Variants in CADM2 observed in about 807,000 individuals in gnomAD.
CADM2 encodes immunoglobulin superfamily member 4D.
A neutral mutation model predicts 49.8 loss-of-function variants in CADM2; 12 were observed. The ratio of observed to expected loss-of-function variants is 0.24; its 90% CI spans 0.15 to 0.39. The LOEUF (loss-of-function observed/expected upper bound fraction) is 0.39, where lower values mean the gene tolerates loss of function less well. CADM2 is among the 10% of genes least tolerant of loss of function. CADM2 has a pLI of 1.00. For missense variants in CADM2, 378 were observed against 492.3 expected, an observed-to-expected ratio of 0.77 and a Z score of 2.20; for synonymous variants, 214 against 175.4, an observed-to-expected ratio of 1.22 and a Z score of -1.74.
At chr3:85,855,454 G>A (rs1257808350) in intron 3 of CADM2, among the ~76,000 whole-genome samples, 1 of 151,524 alleles carries the variant, frequency 6.6e-6, no homozygotes, top group African/African-American at 2.4e-5. Flanking sequence ...ATGTCATATA[G>A]ATTTTCAATC....
At chr3:85,033,961 C>T (rs2035097259) in intron 1 of CADM2, among the ~76,000 whole-genome samples, 1 of 151,976 alleles carries the variant, frequency 6.6e-6, no homozygotes, top group African/African-American at 2.4e-5. Flanking sequence ...TATTTATGGT[C>T]ATCACGTTTT....
intron 1 of CADM2, among the ~76,000 whole-genome samples, chr3:85,164,341 A>G (rs1451695486): frequency 1.3e-5 from 2 of 152,058 alleles, no homozygotes; most frequent in Non-Finnish European, 2.9e-5. Flanking sequence ...ACTTACAGAC[A>G]CTACCAAGCT....
chr3:85,099,057 C>A (rs1359392361), intron 1 of CADM2, among the ~76,000 whole-genome samples: 1 of 152,106 alleles, frequency 6.6e-6, no homozygotes, highest in South Asian at 2.1e-4. Flanking sequence ...TCAGAAAGAA[C>A]TTTGCTGGTA....
Position 85,925,152 on chromosome 3 carries a change from C to T in CADM2, c.701-10615C>T, listed in dbSNP as rs1719661642. On this transcript the variant is annotated intron_variant, in intron 6 of 9. Coordinates refer to ENST00000383699, the MANE Select transcript of CADM2 (RefSeq NM_001167675.2). ...TTTGCTTCTGACAAATATGTATAATCTATCCTGGCAACTCCCATACTACAT... is the reference window on the plus strand; with the variant it reads ...TTTGCTTCTGACAAATATGTATAATTTATCCTGGCAACTCCCATACTACAT... Among the ~76,000 whole-genome samples the T allele has an allele frequency of 4.1e-5, 3 of 72,408 alleles. No individual in the cohort carries two copies. The South Asian group carries it at 1.2e-3, about 29-fold the overall frequency. The allele number at this position is 72,408 out of a possible 152,430, so 47.5% of individuals were successfully genotyped here. A position where few individuals can be genotyped will look rare whatever the true frequency, so the allele number is the denominator to read the frequency against.
chr3:85,024,283 A>T (rs941066759), intron 1 of CADM2, among the ~76,000 whole-genome samples: 14 of 152,076 alleles, frequency 9.2e-5, no homozygotes, highest in African/African-American at 3.4e-4. Context: ...ATATTCTTTG[A>T]GGTAAGTAAT....
intron 7 of CADM2, among the ~76,000 whole-genome samples, chr3:85,937,841 C>T (rs1048897891): frequency 2.0e-5 from 3 of 151,936 alleles, no homozygotes; most frequent in Admixed American, 1.3e-4. Context: ...GTAGTGTGTT[C>T]TGGCAAATAA....
chr3:85,471,809 T>C (rs572041697), intron 1 of CADM2, among the ~76,000 whole-genome samples: 1 of 144,194 alleles, frequency 6.9e-6, no homozygotes, highest in Non-Finnish European at 1.6e-5. Context: ...AATACAAAAG[T>C]CAATATTTTT....
At chr3:85,249,406 G>A (rs2042724808) in intron 1 of CADM2, among the ~76,000 whole-genome samples, 1 of 151,770 alleles carries the variant, frequency 6.6e-6, no homozygotes, top group Non-Finnish European at 1.5e-5. Flanking sequence ...TTGTCTAGTT[G>A]AAATGATGTT....
chr3:85,422,156 A>G (rs921438700), intron 1 of CADM2, among the ~76,000 whole-genome samples: 4 of 132,916 alleles, frequency 3.0e-5, no homozygotes, highest in African/African-American at 7.8e-5. Context: ...ATATACATGA[A>G]CCACATATGG....
chr3:86,025,267 G>A (rs1377476563), intron 8 of CADM2, among the ~76,000 whole-genome samples: 2 of 152,124 alleles, frequency 1.3e-5, no homozygotes, highest in Non-Finnish European at 2.9e-5. Flanking sequence ...ATGTTGGCCA[G>A]GCTGGTCTCA....
chr3:85,548,349 A>C (rs971611527), intron 1 of CADM2, among the ~76,000 whole-genome samples: 2 of 149,442 alleles, frequency 1.3e-5, no homozygotes, highest in Non-Finnish European at 3.0e-5. Context: ...ATAACATGCC[A>C]TAGTCTAAGA....
chr3:85,201,614 C>T (rs952936319), intron 1 of CADM2, among the ~76,000 whole-genome samples: 2 of 152,056 alleles, frequency 1.3e-5, no homozygotes, highest in Admixed American at 6.6e-5. Context: ...AGCATTTTAC[C>T]CACAGCAGAA....
chr3:85,945,030 G>A (rs960972191), intron 7 of CADM2, among the ~76,000 whole-genome samples: 1 of 151,902 alleles, frequency 6.6e-6, no homozygotes, highest in Non-Finnish European at 1.5e-5. Context: ...TAGACCGCTA[G>A]CAAGACTAAT....
chr3:85,499,884 A>T (rs1435514274), intron 1 of CADM2, among the ~76,000 whole-genome samples: 3 of 152,126 alleles, frequency 2.0e-5, no homozygotes, highest in Non-Finnish European at 4.4e-5. Context: ...CATGAATTAA[A>T]CCTTATGTGG....
chr3:85,262,928 ATGTGTAAATATGATGTGTAAATAT>A (rs1373579144), intron 1 of CADM2, among the ~76,000 whole-genome samples: 10,298 of 152,084 alleles, frequency 0.068, 1,147 homozygotes, highest in African/African-American at 0.23. Flanking sequence ...CTGTATGTGT[ATGTGTAAATATGATGTGTAAATAT>A]GATGATTATT....
At chr3:85,809,660 C>T (rs894114770) in intron 3 of CADM2, among the ~76,000 whole-genome samples, 3 of 19,600 alleles carry the variant, frequency 1.5e-4, no homozygotes, top group Non-Finnish European at 2.9e-4. Context: ...CATTTTCTCC[C>T]TTCCTTCCTT....
At chr3:85,827,972 G>A (rs2074001868) in intron 3 of CADM2, 1 of 151,838 alleles carries the variant, frequency 6.6e-6, no homozygotes, top group Non-Finnish European at 1.5e-5. Flanking sequence ...AAGAATAAGA[G>A]GCAGAATAGA....
chr3:85,013,582 G>A lies in CADM2; in HGVS notation c.61+53914G>A, dbSNP rs1243044519. Among the ~76,000 whole-genome samples, 7 of 151,474 alleles carry A rather than the reference G, an allele frequency of 4.6e-5. No homozygotes were observed. In the South Asian group the frequency reaches 1.2e-3, roughly 27 times the overall value. ...GAGGATACTGTATTTCATTAATGTA[G>A]TCAATAACAATTGTAGCTAACAAAA... On this transcript the variant is annotated intron_variant, in intron 1 of 9. Transcript: ENST00000383699.
chr3:85,246,108 A>C (rs538515909), intron 1 of CADM2, among the ~76,000 whole-genome samples: 1 of 152,304 alleles, frequency 6.6e-6, no homozygotes, highest in African/African-American at 2.4e-5. Flanking sequence ...TTATTCTACT[A>C]TGCAGCCATA....
Sources: allele counts gnomAD v4.1 joint callset (sites outside exome capture counted in the v4.1 genomes callset), GRCh38; gene constraint gnomAD v4.1.1; transcripts MANE v1.5; gene names NCBI Gene and HGNC (gene_info 2026-07-23, HGNC 2026-07-21).